AEBP2: variants seen among roughly 807,000 people sequenced by gnomAD.
AEBP2 encodes AE binding protein 2.
In AEBP2, 10 loss-of-function variants were observed where a neutral mutation model predicts 50.8. The observed-to-expected ratio is 0.20, with a 90% CI of 0.12 to 0.33. The LOEUF (loss-of-function observed/expected upper bound fraction) is 0.33, where lower values mean the gene tolerates loss of function less well. Among genes scored for constraint, AEBP2 ranks in the 10% least tolerant of loss-of-function variants. The pLI, the probability that AEBP2 is intolerant of heterozygous loss-of-function variation, is 1.00. For synonymous variants in AEBP2, 296 were observed against 261.3 expected (o/e 1.13, Z -1.28); for missense variants, 570 against 688.0 (o/e 0.83, Z 1.92).
At chr12:19,444,427 T>A (rs1743506880) in intron 1 of AEBP2, among the ~76,000 whole-genome samples, 1 of 152,224 alleles carries the variant, frequency 6.6e-6, no homozygotes, top group Non-Finnish European at 1.5e-5. Flanking sequence ...AGCTATTGAA[T>A]CAGTTAATAT....
chr12:19,448,484 CAA>C (rs796257949), intron 1 of AEBP2, among the ~76,000 whole-genome samples: 13 of 123,048 alleles, frequency 1.1e-4, no homozygotes, highest in Admixed American at 1.7e-4. Flanking sequence ...GACTCCATCT[CAA>C]AAAAAAAAAA....
At chr12:19,471,949 G>A (rs907055306) in intron 2 of AEBP2, among the ~76,000 whole-genome samples, 3 of 152,162 alleles carry the variant, frequency 2.0e-5, no homozygotes, top group Admixed American at 6.6e-5. Context: ...GGAATTTTGA[G>A]TATGAAGGAG....
At chr12:19,456,637 G>A in intron 1 of AEBP2, 1 of 1,523,168 alleles carries the variant, frequency 6.6e-7, no homozygotes, top group Non-Finnish European at 9.1e-7. Flanking sequence ...TCCATTGGTG[G>A]GTCATCTTTG....
At chr12:19,459,341 C>G (rs1349294446) in intron 1 of AEBP2, among the ~76,000 whole-genome samples, 1 of 151,944 alleles carries the variant, frequency 6.6e-6, no homozygotes, top group African/African-American at 2.4e-5. Context: ...ATGCCATTCT[C>G]CTGCCTTAGC....
At chr12:19,516,422 A>T (rs530386759) in intron 7 of AEBP2, among the ~76,000 whole-genome samples, 17 of 152,190 alleles carry the variant, frequency 1.1e-4, no homozygotes, top group Non-Finnish European at 2.2e-4. Flanking sequence ...TGAATCTTAA[A>T]TTAAGATTAA....
intron 4 of AEBP2, among the ~76,000 whole-genome samples, chr12:19,495,974 AT>A (rs1305978555): frequency 6.6e-6 from 1 of 152,208 alleles, no homozygotes; most frequent in African/African-American, 2.4e-5. Context: ...TTGTGTTAAT[AT>A]CAAGTAGCTT....
intron 1 of AEBP2, among the ~76,000 whole-genome samples, chr12:19,443,676 T>C (rs1948004991): frequency 6.6e-6 from 1 of 151,978 alleles, no homozygotes. Context: ...TGAGCTGAGA[T>C]TGCACCACTG....
intron 1 of AEBP2, among the ~76,000 whole-genome samples, chr12:19,416,427 CAG>C (rs138494998): frequency 0.42 from 64,211 of 151,246 alleles, 14,709 homozygotes; most frequent in Non-Finnish European, 0.54. Flanking sequence ...TTTTTTGAGA[CAG>C]AGTTTCACTC....
At chr12:19,409,213 G>A (rs1030907334) in intron 1 of AEBP2, among the ~76,000 whole-genome samples, 9 of 152,082 alleles carry the variant, frequency 5.9e-5, no homozygotes, top group African/African-American at 2.2e-4. Context: ...ATCTACTTGC[G>A]TTAGTGTTGC....
chr12:19,405,339 T>A (rs1378989902), intron 1 of AEBP2, among the ~76,000 whole-genome samples: 1 of 151,946 alleles, frequency 6.6e-6, no homozygotes, highest in Non-Finnish European at 1.5e-5. Flanking sequence ...ACTTATTTTT[T>A]TTTTTGAGAC....
intron 3 of AEBP2, among the ~76,000 whole-genome samples, chr12:19,492,268 A>C (rs1592764857): frequency 6.6e-6 from 1 of 152,198 alleles, no homozygotes; most frequent in Non-Finnish European, 1.5e-5. Flanking sequence ...ATTTGTTAGA[A>C]GACCTGCAAA....
intron 4 of AEBP2, among the ~76,000 whole-genome samples, chr12:19,498,083 A>G (rs1179702784): frequency 6.6e-6 from 1 of 152,186 alleles, no homozygotes; most frequent in African/African-American, 2.4e-5. Context: ...GACTCCTTTC[A>G]TTATTGTGAA....
chr12:19,411,365 C>A (rs1038931360), intron 1 of AEBP2, among the ~76,000 whole-genome samples: 1 of 152,176 alleles, frequency 6.6e-6, no homozygotes, highest in African/African-American at 2.4e-5. Context: ...GCCTGGGAAC[C>A]TCCTCTACCA....
intron 7 of AEBP2, among the ~76,000 whole-genome samples, chr12:19,515,140 C>A (rs1267549333): frequency 6.8e-6 from 1 of 146,306 alleles, no homozygotes; most frequent in African/African-American, 2.7e-5. Context: ...GTCTGAATAC[C>A]AAAACTGTTT....
intron 1 of AEBP2, among the ~76,000 whole-genome samples, chr12:19,421,828 C>T (rs1428720108): frequency 6.6e-6 from 1 of 152,090 alleles, no homozygotes; most frequent in East Asian, 1.9e-4. Context: ...AATTTACCTG[C>T]AGTACAAATA....
chr12:19,424,527 G>A (rs927027599), intron 1 of AEBP2, among the ~76,000 whole-genome samples: 14 of 151,912 alleles, frequency 9.2e-5, no homozygotes, highest in Non-Finnish European at 2.9e-5. Flanking sequence ...CTCCTGAGTA[G>A]CTGGGACTAC....
At chr12:19,491,318 G>GT (rs1327208352) in intron 3 of AEBP2, among the ~76,000 whole-genome samples, 2 of 152,180 alleles carry the variant, frequency 1.3e-5, no homozygotes, top group Non-Finnish European at 2.9e-5. Flanking sequence ...TCTTAGGGTT[G>GT]TTGTATGAAT....
chr12:19,465,391 C>T (rs1197236570), intron 2 of AEBP2, among the ~76,000 whole-genome samples: 1 of 150,572 alleles, frequency 6.6e-6, no homozygotes, highest in Non-Finnish European at 1.5e-5. Context: ...GAGACTCTGT[C>T]TCAAAAAAAA....
chr12:19,486,478 A>G (rs982842608), intron 3 of AEBP2, among the ~76,000 whole-genome samples: 1 of 151,854 alleles, frequency 6.6e-6, no homozygotes, highest in Admixed American at 6.6e-5. Flanking sequence ...TGCAGCCTCA[A>G]TCTCCCTGGC....
Sources: gnomAD v4.1 joint callset for allele counts (sites outside exome capture counted in the v4.1 genomes callset) on GRCh38, gnomAD v4.1.1 for gene constraint, MANE v1.5 for transcripts, NCBI Gene and HGNC (gene_info 2026-07-23, HGNC 2026-07-21) for gene names.